WLS: variants seen among roughly 807,000 people sequenced by gnomAD.
WLS encodes Wnt ligand secretion mediator.
A neutral mutation model predicts 62.8 loss-of-function variants in WLS; 23 were observed. That is an observed-to-expected ratio of 0.37 (90% confidence interval 0.26 to 0.52). WLS has a LOEUF of 0.52. WLS is among the 20% of genes least tolerant of loss of function. The pLI is 0.92. For synonymous variants in WLS, 246 were observed against 244.1 expected (o/e 1.01, Z -0.07); for missense variants, 615 against 697.3 (o/e 0.88, Z 1.33).
intron 1 of WLS, among the ~76,000 whole-genome samples, chr1:68,219,510 C>T (rs1447138696): frequency 6.6e-6 from 1 of 152,036 alleles, no homozygotes; most frequent in African/African-American, 2.4e-5. Flanking sequence ...TAATAATAGC[C>T]TGGAATATAA....
intron 11 of WLS, among the ~76,000 whole-genome samples, chr1:68,107,346 T>G (rs1646161899): frequency 6.6e-6 from 1 of 152,084 alleles, no homozygotes; most frequent in South Asian, 2.1e-4. Flanking sequence ...CTTTGAACGG[T>G]TTTTTATTGT....
At chr1:68,104,704 GTT>G (rs1405758523) in intron 11 of WLS, among the ~76,000 whole-genome samples, 1 of 152,162 alleles carries the variant, frequency 6.6e-6, no homozygotes, top group Non-Finnish European at 1.5e-5. Context: ...GAGCCCAGGA[GTT>G]TGATCAAGAC....
At chr1:68,225,750 T>C (rs923999806) in intron 1 of WLS, among the ~76,000 whole-genome samples, 43 of 152,282 alleles carry the variant, frequency 2.8e-4, no homozygotes, top group African/African-American at 9.9e-4. Context: ...TCTCAATTCC[T>C]CCACCATCAC....
At chr1:68,232,124 C>G (rs1028004280) in intron 1 of WLS, 70 bp downstream of exon 1, 19 of 1,598,812 alleles carry the variant, frequency 1.2e-5, no homozygotes, top group Non-Finnish European at 1.5e-5. Flanking sequence ...AACAAGTAGC[C>G]CAAGAGGCAA....
intron 11 of WLS, among the ~76,000 whole-genome samples, chr1:68,136,192 T>C (rs1646607531): frequency 6.6e-6 from 1 of 152,106 alleles, no homozygotes; most frequent in Non-Finnish European, 1.5e-5. Context: ...CCACTTCATC[T>C]CATCTCTCAA....
intron 1 of WLS, among the ~76,000 whole-genome samples, chr1:68,208,308 T>C (rs772212461): frequency 6.6e-6 from 1 of 152,174 alleles, no homozygotes; most frequent in Non-Finnish European, 1.5e-5. Flanking sequence ...TCTCTTCAGA[T>C]AAAGAGAATG....
intron 11 of WLS, among the ~76,000 whole-genome samples, chr1:68,133,466 G>A (rs1646561014): frequency 6.6e-6 from 1 of 152,116 alleles, no homozygotes; most frequent in Non-Finnish European, 1.5e-5. Context: ...TTGAGAGCAA[G>A]GACTATGTCT....
At chr1:68,154,779 A>T (rs1286409681) in intron 4 of WLS, among the ~76,000 whole-genome samples, 1 of 152,246 alleles carries the variant, frequency 6.6e-6, no homozygotes, top group African/African-American at 2.4e-5. Flanking sequence ...TTGTGCTTGC[A>T]AGGTGAAACA....
intron 1 of WLS, among the ~76,000 whole-genome samples, chr1:68,197,491 C>G (rs573176834): frequency 1.1e-4 from 16 of 152,246 alleles, no homozygotes; most frequent in South Asian, 4.1e-4. Flanking sequence ...GAAGATAATT[C>G]AACATTTTCC....
chr1:68,098,461 A>C, downstream of WLS: 2 of 1,042,718 alleles, frequency 1.9e-6, no homozygotes, highest in Non-Finnish European at 2.6e-6. Flanking sequence ...TATGGATGTA[A>C]GAGAAGTAAG....
At position 68,193,980 on chromosome 1, in the gene WLS, A is replaced by G. The variant is rs771836101; in HGVS notation, c.354T>C (p.Ile118=). 7 of 1,614,102 alleles carry G rather than the reference A, an allele frequency of 4.3e-6. No individual in the cohort carries two copies. Among genetic ancestry groups the G allele is most frequent in the Non-Finnish European group, 5.9e-6 (7 of 1,179,958 alleles). The change falls in exon 2 of 12, where the codon ATT becomes ATC. Residue 118 remains isoleucine, a synonymous_variant. Transcript: ENST00000262348. ...QFMLFILQLD[I]AFKLNNQIRE... is the part of the protein sequence containing the mutation. ...TGATTTGGTTGTTTAGCTTGAAGGC[A>G]ATGTCCAGCTGCAGGATAAACAGCA... is the stretch of plus-strand genomic sequence containing the variant.
intron 2 of WLS, among the ~76,000 whole-genome samples, chr1:68,172,836 T>G (rs1224909722): frequency 6.6e-6 from 1 of 152,088 alleles, no homozygotes; most frequent in Non-Finnish European, 1.5e-5. Flanking sequence ...TAATTCAATA[T>G]GGCAGGGAAT....
At chr1:68,140,683 A>G (rs1646672817) in intron 10 of WLS, among the ~76,000 whole-genome samples, 2 of 152,190 alleles carry the variant, frequency 1.3e-5, no homozygotes, top group South Asian at 4.1e-4. Context: ...TGAATGTGCA[A>G]TCTGTAAATG....
At position 68,201,899 on chromosome 1, in the gene WLS, A is replaced by T. The variant is rs530683745; in HGVS notation, c.107-7672T>A. 4 of 152,380 alleles carry T rather than the reference A, an allele frequency of 2.6e-5. No individual in the cohort carries two copies. In the South Asian group the frequency reaches 8.3e-4, roughly 32 times the overall value. The allele number at this position is 152,380 out of a possible 1,614,324, so 9.4% of individuals were successfully genotyped here. A position where few individuals can be genotyped will look rare whatever the true frequency, so the allele number is the denominator to read the frequency against. On this transcript the variant is annotated intron_variant, in intron 1 of 11. Transcript: ENST00000262348. The stretch of plus-strand genomic sequence containing the variant: ...GACATTTTGACAGCAATTTTCCAAA[A>T]ATTGTAGCAAACACTTGTAAATACA...
intron 5 of WLS, 134 bp downstream of exon 5, chr1:68,153,383 C>G (rs1190844434): frequency 8.3e-7 from 1 of 1,209,050 alleles, no homozygotes; most frequent in Non-Finnish European, 1.1e-6. Flanking sequence ...AAAAAGGAGT[C>G]CAGGATGACT....
At chr1:68,159,699 A>G (rs1034539331) in intron 2 of WLS, among the ~76,000 whole-genome samples, 1 of 151,930 alleles carries the variant, frequency 6.6e-6, no homozygotes, top group African/African-American at 2.4e-5. Context: ...TTTTTCAACC[A>G]CCTCTCAGAC....
At chr1:68,162,579 C>T (rs1646994351) in intron 2 of WLS, 1 of 1,517,240 alleles carries the variant, frequency 6.6e-7, no homozygotes, top group Admixed American at 1.7e-5. Context: ...ATCCCGAGGC[C>T]AACTCGCGGT....
chr1:68,209,347 A>G (rs934958461), intron 1 of WLS, among the ~76,000 whole-genome samples: 5 of 152,202 alleles, frequency 3.3e-5, no homozygotes, highest in African/African-American at 9.7e-5. Flanking sequence ...ATTCATAACC[A>G]TTACAGTTTG....
In WLS at chr1:68,178,478, G is replaced by C. The variant is rs891788723; in HGVS notation, c.379+15477C>G. On this transcript the variant is annotated intron_variant, in intron 2 of 11. Coordinates refer to ENST00000262348, the MANE Select transcript of WLS (RefSeq NM_024911.7). ...CACTTTGGGACTTTGGGAAGCCGAG[G>C]TGGGCAGATCACAAGGTCAGGAGTT... is the stretch of plus-strand genomic sequence containing the variant. 2.0e-5 allele frequency among the ~76,000 whole-genome samples: 3 copies of C among 152,204 alleles called. No individual in the cohort carries two copies. In the East Asian group the frequency reaches 5.8e-4, roughly 29 times the overall value.
Sources: gnomAD v4.1 joint callset for allele counts (sites outside exome capture counted in the v4.1 genomes callset) on GRCh38, gnomAD v4.1.1 for gene constraint, MANE v1.5 for transcripts, NCBI Gene and HGNC (gene_info 2026-07-23, HGNC 2026-07-21) for gene names.